Variants in STAT1 observed in about 807,000 individuals in gnomAD.
STAT1 encodes signal transducer and activator of transcription 1, also known as signal transducer and activator of transcription 1-alpha/beta.
STAT1 carries 24 observed loss-of-function variants against 111.7 expected under a neutral mutation model. That is an observed-to-expected ratio of 0.21 (90% CI 0.16 to 0.30). STAT1 has a LOEUF of 0.30. Ranked by LOEUF, STAT1 falls within the 10% of genes least tolerant of loss-of-function variation. The probability of loss-of-function intolerance (pLI) is 1.00; values close to 1 mark genes in which losing one functional copy is unlikely to be tolerated. For synonymous variants in STAT1, 332 were observed against 326.5 expected (o/e 1.02, Z -0.18); for missense variants, 351 against 911.9 (o/e 0.38, Z 7.92).
chr2:191,011,367 C>T (rs912049293), intron 2 of STAT1, among the ~76,000 whole-genome samples: 1 of 152,174 alleles, frequency 6.6e-6, no homozygotes, highest in Non-Finnish European at 1.5e-5. Flanking sequence ...GCTGCAACGC[C>T]TCTTATTAGC....
In STAT1 at chr2:191,000,433, CCA is replaced by C. The variant is rs45470895; in HGVS notation, c.462+639_462+640del. Among the ~76,000 whole-genome samples, 588 of 152,250 alleles carry C rather than the reference CCA, an allele frequency of 3.9e-3. 5 individuals carry two copies. The highest frequency in any genetic ancestry group is 0.014 in the African/African-American group (567 of 41,530). ...GGCCATACTGCTATTACCCAGAGAT[CCA>C]CAGAGGACCAAACCCCTAAGCTGGA... is the stretch of plus-strand genomic sequence containing the variant. On this transcript the variant is annotated intron_variant, in intron 6 of 24. Coordinates refer to ENST00000361099, the MANE Select transcript of STAT1 (RefSeq NM_007315.4). This position sits in a 1 kb window ranked among gnomAD's most constrained non-coding sequence, Gnocchi z 4.8.
chr2:190,998,410 G>T lies in STAT1; in HGVS notation c.542-102C>A. On this transcript the variant is annotated intron_variant, in intron 7 of 24. Coordinates refer to ENST00000361099, the MANE Select transcript of STAT1 (RefSeq NM_007315.4). The surrounding 1 kb of genome is among the most constrained non-coding windows in gnomAD (Gnocchi z 4.1). The stretch of plus-strand genomic sequence containing the variant: ...ATAAATATGACACAAATGCTGCCTA[G>T]TGACAGGTCAAAGTTTGGCTTTCTT... 1 of 969,020 alleles carries T rather than the reference G, an allele frequency of 1.0e-6. No homozygotes were observed. The highest frequency in any genetic ancestry group is 1.6e-6 in the Non-Finnish European group (1 of 608,878). The allele number at this position is 969,020 out of a possible 1,614,324, so 60.0% of individuals were successfully genotyped here. A position where few individuals can be genotyped will look rare whatever the true frequency, so the allele number is the denominator to read the frequency against.
chr2:191,003,646 C>T lies in STAT1; in HGVS notation c.373-2483G>A, dbSNP rs1375193454. 6.6e-6 allele frequency among the ~76,000 whole-genome samples: 1 copy of T among 152,210 alleles called. No homozygotes were observed. Among genetic ancestry groups the T allele is most frequent in the Non-Finnish European group, 1.5e-5 (1 of 68,040 alleles). ...CACCTGCTGCTATGACTGTAAGTTT[C>T]CTGAGGCCTCCCCAGAAACTGAGCA... On this transcript the variant is annotated intron_variant, in intron 5 of 24. Transcript: ENST00000361099. The surrounding 1 kb of genome is among the most constrained non-coding windows in gnomAD (Gnocchi z 4.0).
At chr2:190,972,181 T>C (rs904417676) in intron 24 of STAT1, among the ~76,000 whole-genome samples, 1 of 152,176 alleles carries the variant, frequency 6.6e-6, no homozygotes, top group Non-Finnish European at 1.5e-5. Flanking sequence ...TCTTCATCTA[T>C]CAAAAGGGGA....
In STAT1 at chr2:191,013,513, A is replaced by T. The variant is rs911445337; in HGVS notation, c.-2+12T>A. 1 of 397,858 alleles carries T rather than the reference A, an allele frequency of 2.5e-6. No individual in the cohort carries two copies. Among genetic ancestry groups the T allele is most frequent in the African/African-American group, 2.1e-5 (1 of 48,642 alleles). The allele number at this position is 397,858 out of a possible 1,614,324, so 24.6% of individuals were successfully genotyped here. On this transcript the variant is annotated intron_variant, in intron 2 of 24. Transcript: ENST00000361099. ...TGTACTCATTCATCTGATTCCATGA[A>T]CATTTACTGACCTGCCACCTTGTGC...
Position 190,989,125 on chromosome 2 carries a change from C to A in STAT1, c.1097+490G>T, listed in dbSNP as rs539509194. Among the ~76,000 whole-genome samples, 10 of 152,214 alleles carry A rather than the reference C, an allele frequency of 6.6e-5. No homozygotes were observed. Among genetic ancestry groups the A allele is most frequent in the African/African-American group, 1.9e-4 (8 of 41,524 alleles). On this transcript the variant is annotated intron_variant, in intron 12 of 24. Coordinates refer to ENST00000361099, the MANE Select transcript of STAT1 (RefSeq NM_007315.4). This position sits in a 1 kb window ranked among gnomAD's most constrained non-coding sequence, Gnocchi z 5.0. ...CTGCTGACCTCGCTCCAGAAAAAAACCCCCAAATGACCACAGAATCATGGC... is the reference window on the plus strand; with the variant it reads ...CTGCTGACCTCGCTCCAGAAAAAAAACCCCAAATGACCACAGAATCATGGC...
In STAT1 at chr2:190,986,755, G is replaced by C. The variant is rs942650809; in HGVS notation, c.1221+99C>G. ...CACAAAGTCTACAAACCCCAGCAGG[G>C]GGGCGTCCTCCACATGGCAATGTGC... is the stretch of plus-strand genomic sequence containing the variant. On this transcript the variant is annotated intron_variant, in intron 14 of 24. Transcript: ENST00000361099. The surrounding 1 kb of genome is among the most constrained non-coding windows in gnomAD (Gnocchi z 5.0). 2.6e-6 allele frequency: 3 copies of C among 1,171,930 alleles called. No individual in the cohort carries two copies. The highest frequency in any genetic ancestry group is 3.0e-5 in the African/African-American group (2 of 66,094). The allele number at this position is 1,171,930 out of a possible 1,614,324, so 72.6% of individuals were successfully genotyped here.
At position 190,997,709 on chromosome 2, in the gene STAT1, T is replaced by C; in HGVS notation, c.785+147A>G. The C allele has an allele frequency of 7.8e-7, 1 of 1,275,598 alleles. No homozygotes were observed. The highest frequency in any genetic ancestry group is 1.5e-5 in the African/African-American group (1 of 68,642). The allele number at this position is 1,275,598 out of a possible 1,614,324, so 79.0% of individuals were successfully genotyped here. A position where few individuals can be genotyped will look rare whatever the true frequency, so the allele number is the denominator to read the frequency against. The stretch of plus-strand genomic sequence containing the variant: ...TAACACTGTGCTTTCCAAGGGAGTG[T>C]TTCCAGGGTAAGCAGAAGCTGGACT... On this transcript the variant is annotated intron_variant, in intron 9 of 24. Transcript: ENST00000361099. This position sits in a 1 kb window ranked among gnomAD's most constrained non-coding sequence, Gnocchi z 7.3.
rs181018983 is a variant in STAT1, at chr2:190,998,787, A to G, written c.542-479T>C. Among the ~76,000 whole-genome samples, 197 of 151,754 alleles carry G rather than the reference A, an allele frequency of 1.3e-3. 1 individual carries two copies. The highest frequency in any genetic ancestry group is 7.7e-3 in the South Asian group (37 of 4,818). On this transcript the variant is annotated intron_variant, in intron 7 of 24. Coordinates refer to ENST00000361099, the MANE Select transcript of STAT1 (RefSeq NM_007315.4). This position sits in a 1 kb window ranked among gnomAD's most constrained non-coding sequence, Gnocchi z 4.1. ...GGTAATTACCTAAATAAATGTAAAT[A>G]ACATTAATAATAATGTTATTATTAT...
chr2:190,995,110 G>C lies in STAT1; in HGVS notation c.895C>G (p.Gln299Glu). The change falls in exon 10 of 25, where the codon CAA (glutamine) becomes GAA (glutamate). Residue 299 changes from glutamine to glutamate, a missense_variant. Coordinates refer to ENST00000361099, the MANE Select transcript of STAT1 (RefSeq NM_007315.4). This position sits in a 1 kb window ranked among gnomAD's most constrained non-coding sequence, Gnocchi z 4.2. ...CTGAAGGTGCGGTCCCATAACACTT[G>C]TTTGTTTTTTGTGATAGGGTCATGT... ...YEHDPITKNK[Q>E]VLWDRTFSLF... The C allele has an allele frequency of 6.2e-7, 1 of 1,613,836 alleles. No individual in the cohort carries two copies. Among genetic ancestry groups the C allele is most frequent in the Non-Finnish European group, 8.5e-7 (1 of 1,179,934 alleles).
At position 190,971,284 on chromosome 2, in the gene STAT1, T is replaced by C. The variant is rs111659141; in HGVS notation, c.2239-567A>G. On this transcript the variant is annotated intron_variant, in intron 24 of 24. Coordinates refer to ENST00000361099, the MANE Select transcript of STAT1 (RefSeq NM_007315.4). The surrounding 1 kb of genome is among the most constrained non-coding windows in gnomAD (Gnocchi z 4.1). ...CAAAGGATACTAGCCTGCCAGTGACTTCCTGTCTGACTTCCACACTGGTCT... is the reference window on the plus strand; with the variant it reads ...CAAAGGATACTAGCCTGCCAGTGACCTCCTGTCTGACTTCCACACTGGTCT... Among the ~76,000 whole-genome samples, 35 of 152,318 alleles carry C rather than the reference T, an allele frequency of 2.3e-4. No homozygotes were observed. Among genetic ancestry groups the C allele is most frequent in the African/African-American group, 7.9e-4 (33 of 41,568 alleles).
rs1474188614 is a variant in STAT1 at position 190,976,197 on chromosome 2, C to T, written c.2060-310G>A. On this transcript the variant is annotated intron_variant, in intron 22 of 24. Coordinates refer to ENST00000361099, the MANE Select transcript of STAT1 (RefSeq NM_007315.4). This position sits in a 1 kb window ranked among gnomAD's most constrained non-coding sequence, Gnocchi z 6.0. Reference sequence around the variant, plus strand: ...AGCCCAAAATATGCAAAGTTCTATCCAGTTTATTGGCATTAGCCTGGCTAA... The same window carrying T: ...AGCCCAAAATATGCAAAGTTCTATCTAGTTTATTGGCATTAGCCTGGCTAA... Among the ~76,000 whole-genome samples, 1 of 152,166 alleles carries T rather than the reference C, an allele frequency of 6.6e-6. No homozygotes were observed. The highest frequency in any genetic ancestry group is 2.4e-5 in the African/African-American group (1 of 41,436).
chr2:190,977,032 A>C lies in STAT1; in HGVS notation c.1874-7T>G, dbSNP rs374144045. ...ACCGCATGGAAGTCAGGTTCTAAAA[A>C]GGAGAAAAGCTAAGTAAATCCCATA... On this transcript the variant is annotated splice_polypyrimidine_tract_variant and splice_region_variant and intron_variant, in intron 21 of 24. Coordinates refer to ENST00000361099, the MANE Select transcript of STAT1 (RefSeq NM_007315.4). The surrounding 1 kb of genome is among the most constrained non-coding windows in gnomAD (Gnocchi z 4.7). 6.2e-7 allele frequency: 1 copy of C among 1,613,912 alleles called. No homozygotes were observed. Among genetic ancestry groups the C allele is most frequent in the African/African-American group, 1.3e-5 (1 of 74,916 alleles).
intron 2 of STAT1, among the ~76,000 whole-genome samples, chr2:191,013,273 T>G (rs1330079005): frequency 6.6e-6 from 1 of 152,130 alleles, no homozygotes; most frequent in African/African-American, 2.4e-5. Flanking sequence ...TCTATGAAAA[T>G]AACTCCTTAT....
Position 190,971,251 on chromosome 2 carries a change from T to C in STAT1, c.2239-534A>G, listed in dbSNP as rs1041089058. ...CCAGGACAACTTATAGTAAGTAAAC[T>C]GTTCATCCAAAGGATACTAGCCTGC... On this transcript the variant is annotated intron_variant, in intron 24 of 24. Coordinates refer to ENST00000361099, the MANE Select transcript of STAT1 (RefSeq NM_007315.4). The surrounding 1 kb of genome is among the most constrained non-coding windows in gnomAD (Gnocchi z 4.1). Among the ~76,000 whole-genome samples, 3 of 152,220 alleles carry C rather than the reference T, an allele frequency of 2.0e-5. No homozygotes were observed. Among genetic ancestry groups the C allele is most frequent in the African/African-American group, 7.2e-5 (3 of 41,450 alleles).
In STAT1 at chr2:190,982,281, CT is replaced by C; in HGVS notation, c.1582+101del. 1.4e-6 allele frequency: 2 copies of C among 1,427,044 alleles called. No homozygotes were observed. Among genetic ancestry groups the C allele is most frequent in the Non-Finnish European group, 2.0e-6 (2 of 1,017,600 alleles). 88.4% of individuals were successfully genotyped at this position (1,427,044 alleles called of 1,614,324 possible). On this transcript the variant is annotated intron_variant, in intron 18 of 24. Transcript: ENST00000361099. This position sits in a 1 kb window ranked among gnomAD's most constrained non-coding sequence, Gnocchi z 7.3. ...CTTGAAAAGCTGACAGATTTTAGTA[CT>C]TTTTTACCTTTAACAAAATAGCAGA...
In STAT1 at chr2:190,989,876, C is replaced by G. The variant is rs144930643; in HGVS notation, c.1038-202G>C. Among the ~76,000 whole-genome samples, 64 of 152,276 alleles carry G rather than the reference C, an allele frequency of 4.2e-4. No individual in the cohort carries two copies. The highest frequency in any genetic ancestry group is 1.5e-3 in the African/African-American group (63 of 41,552). On this transcript the variant is annotated intron_variant, in intron 11 of 24. Transcript: ENST00000361099. The surrounding 1 kb of genome is among the most constrained non-coding windows in gnomAD (Gnocchi z 5.0). Reference sequence around the variant, plus strand: ...GAATAAATTCCTAGCTGTGGAACCGCTTAGGAAAAATTGTAACACTAATTC... The same window carrying G: ...GAATAAATTCCTAGCTGTGGAACCGGTTAGGAAAAATTGTAACACTAATTC...
rs796261839 is a variant in STAT1, at chr2:190,974,001, G to A, written c.2238+829C>T. On this transcript the variant is annotated intron_variant, in intron 24 of 24. Transcript: ENST00000361099. This position sits in a 1 kb window ranked among gnomAD's most constrained non-coding sequence, Gnocchi z 4.8. ...GAGCACCTACTTTTTGCCAGGCACC[G>A]GGTATACAGTAAGGAAGAAAGGCCA... 4.6e-5 allele frequency among the ~76,000 whole-genome samples: 7 copies of A among 152,166 alleles called. No homozygotes were observed. Among genetic ancestry groups the A allele is most frequent in the East Asian group, 1.9e-4 (1 of 5,186 alleles).
rs749784389 is a variant in STAT1 at position 190,997,225 on chromosome 2, T to C, written c.785+631A>G. 6.6e-6 allele frequency among the ~76,000 whole-genome samples: 1 copy of C among 152,374 alleles called. No homozygotes were observed. The highest frequency in any genetic ancestry group is 1.5e-5 in the Non-Finnish European group (1 of 68,036). ...CTACGTGGAGTAATCCTAGTGACTTTTGAGTCAGCACAAGGCCACTTCCTC... is the reference window on the plus strand; with the variant it reads ...CTACGTGGAGTAATCCTAGTGACTTCTGAGTCAGCACAAGGCCACTTCCTC... On this transcript the variant is annotated intron_variant, in intron 9 of 24. Transcript: ENST00000361099. The surrounding 1 kb of genome is among the most constrained non-coding windows in gnomAD (Gnocchi z 7.3).
Sources: allele counts gnomAD v4.1 joint callset (sites outside exome capture counted in the v4.1 genomes callset), GRCh38; gene constraint gnomAD v4.1.1; non-coding constraint Gnocchi (gnomAD v3.1); transcripts MANE v1.5; gene names NCBI Gene and HGNC (gene_info 2026-07-23, HGNC 2026-07-21).